Variants in DCC observed in about 807,000 individuals in gnomAD.
DCC encodes DCC netrin 1 receptor.
In DCC, 58 loss-of-function variants were observed where a neutral mutation model predicts 172.5. The ratio of observed to expected loss-of-function variants is 0.34; its 90% CI spans 0.27 to 0.42. DCC has a LOEUF of 0.42. DCC is among the 10% of genes least tolerant of loss of function. The probability of loss-of-function intolerance (pLI) is 1.00; values close to 1 mark genes in which losing one functional copy is unlikely to be tolerated. For missense variants in DCC, 1,740 were observed against 1,791.0 expected, an observed-to-expected ratio of 0.97 and a Z score of 0.51; for synonymous variants, 709 against 644.5, an observed-to-expected ratio of 1.10 and a Z score of -1.52.
intron 5 of DCC, among the ~76,000 whole-genome samples, chr18:53,013,677 C>A (rs1260493863): frequency 6.7e-6 from 1 of 150,294 alleles, no homozygotes; most frequent in African/African-American, 2.5e-5. Context: ...CTTGCACATT[C>A]TGCACATGCA....
intron 1 of DCC, among the ~76,000 whole-genome samples, chr18:52,676,354 G>A (rs1204600668): frequency 6.6e-6 from 1 of 152,120 alleles, no homozygotes; most frequent in Admixed American, 6.5e-5. Context: ...CCTAATAATG[G>A]TGTCTACCAC....
At chr18:52,713,221 A>G (rs2036324026) in intron 1 of DCC, among the ~76,000 whole-genome samples, 1 of 152,204 alleles carries the variant, frequency 6.6e-6, no homozygotes, top group African/African-American at 2.4e-5. Flanking sequence ...TGATGCCATT[A>G]TAAACTAGCC....
At chr18:53,155,129 A>G (rs2054709382) in intron 7 of DCC, among the ~76,000 whole-genome samples, 1 of 151,606 alleles carries the variant, frequency 6.6e-6, no homozygotes, top group Non-Finnish European at 1.5e-5. Flanking sequence ...TAAAACCTCT[A>G]TTTCTCTGTA....
chr18:52,941,520 A>G (rs867217037), intron 5 of DCC, among the ~76,000 whole-genome samples: 12 of 151,808 alleles, frequency 7.9e-5, no homozygotes, highest in South Asian at 2.1e-4. Context: ...ATATATACAC[A>G]CTTGTATGCA....
At position 52,362,820 on chromosome 18, in the gene DCC, CATTT is replaced by C. The variant is rs368568837; in HGVS notation, c.91+21948_91+21951del. 4.6e-5 allele frequency among the ~76,000 whole-genome samples: 7 copies of C among 152,158 alleles called. No individual in the cohort carries two copies. In the East Asian group the frequency reaches 1.4e-3, roughly 29 times the overall value. ...CTCCTCCCTCCATAAACCAAAAGAG[CATTT>C]ATTTACTTGGGCTGCATTATAAACA... On this transcript the variant is annotated intron_variant, in intron 1 of 28. Coordinates refer to ENST00000442544, the MANE Select transcript of DCC (RefSeq NM_005215.4).
intron 5 of DCC, among the ~76,000 whole-genome samples, chr18:52,962,002 A>G (rs1306503508): frequency 6.6e-6 from 1 of 152,162 alleles, no homozygotes; most frequent in Non-Finnish European, 1.5e-5. Flanking sequence ...AACCATAAAA[A>G]CCCTAGAAGA....
chr18:52,941,347 G>T (rs1335711084), intron 5 of DCC, among the ~76,000 whole-genome samples: 2 of 152,022 alleles, frequency 1.3e-5, no homozygotes, highest in African/African-American at 4.8e-5. Flanking sequence ...GATTATTATG[G>T]ATATTTTAGT....
chr18:53,114,275 T>TA (rs1230239315), intron 7 of DCC, among the ~76,000 whole-genome samples: 1 of 151,054 alleles, frequency 6.6e-6, no homozygotes, highest in African/African-American at 2.4e-5. Context: ...AGTAATGTCT[T>TA]AAAAAGTAAT....
At chr18:52,805,057 C>G (rs750068620) in intron 2 of DCC, among the ~76,000 whole-genome samples, 7 of 152,112 alleles carry the variant, frequency 4.6e-5, no homozygotes, top group African/African-American at 7.2e-5. Context: ...TCTCTGTGAG[C>G]CTTTGCTTCT....
At chr18:52,925,195 A>G in intron 4 of DCC, 39 bp from the exon 5 acceptor site, 1 of 1,599,796 alleles carries the variant, frequency 6.3e-7, no homozygotes. Flanking sequence ...TAATATATAC[A>G]TATGTTAATT....
rs558026226 is a variant in DCC, at chr18:52,752,149, G to A, written c.187G>A (p.Ala63Thr). 4 of 1,614,058 alleles carry A rather than the reference G, an allele frequency of 2.5e-6. No homozygotes were observed. The highest frequency in any genetic ancestry group is 1.3e-5 in the African/African-American group (1 of 75,004). The change falls in exon 2 of 29, where the codon GCG becomes ACG. Residue 63 changes from alanine to threonine, a missense_variant. Transcript: ENST00000442544. ...RGGNVLLDCS[A>T]ESDRGVPVIK... ...AGGAAATGTCCTCCTCGACTGCTCC[G>A]CGGAGTCCGACCGAGGAGTTCCAGT...
intron 1 of DCC, among the ~76,000 whole-genome samples, chr18:52,609,007 A>G (rs2034194828): frequency 6.6e-6 from 1 of 152,148 alleles, no homozygotes. Context: ...CAAGCATCCA[A>G]CTCAGACTGA....
At chr18:52,571,741 G>GACTC (rs2033298772) in intron 1 of DCC, among the ~76,000 whole-genome samples, 2 of 152,258 alleles carry the variant, frequency 1.3e-5, no homozygotes, top group South Asian at 4.2e-4. Flanking sequence ...CCATACCAGG[G>GACTC]ACTCAGCTTC....
At position 53,092,090 on chromosome 18, in the gene DCC, G is replaced by T. The variant is rs911191434; in HGVS notation, c.1261+25924G>T. On this transcript the variant is annotated intron_variant, in intron 7 of 28. Coordinates refer to ENST00000442544, the MANE Select transcript of DCC (RefSeq NM_005215.4). ...GTAGTAGAATGCTATAGAATAACATGTTCATTTTTTGTGTTCATTTTCGTC... is the reference window on the plus strand; with the variant it reads ...GTAGTAGAATGCTATAGAATAACATTTTCATTTTTTGTGTTCATTTTCGTC... Among the ~76,000 whole-genome samples the T allele has an allele frequency of 3.3e-5, 5 of 151,902 alleles. 1 individual carries two copies. Among genetic ancestry groups the T allele is most frequent in the African/African-American group, 7.3e-5 (3 of 41,354 alleles).
chr18:53,035,961 C>T (rs2042087083), intron 5 of DCC, among the ~76,000 whole-genome samples: 1 of 152,008 alleles, frequency 6.6e-6, no homozygotes, highest in African/African-American at 2.4e-5. Flanking sequence ...CATGCTCATT[C>T]ATCATTGTCA....
chr18:53,229,761 A>G (rs777932289), intron 12 of DCC, among the ~76,000 whole-genome samples: 3 of 152,074 alleles, frequency 2.0e-5, no homozygotes, highest in Non-Finnish European at 2.9e-5. Context: ...CTAGGACACC[A>G]CAGGAAAAAA....
At chr18:52,967,854 T>C (rs1324319800) in intron 5 of DCC, among the ~76,000 whole-genome samples, 4 of 152,160 alleles carry the variant, frequency 2.6e-5, no homozygotes, top group African/African-American at 9.7e-5. Context: ...TGTGGCACTT[T>C]ATGCAAGTAA....
chr18:53,296,744 G>A (rs2057072625), intron 12 of DCC, among the ~76,000 whole-genome samples: 1 of 152,102 alleles, frequency 6.6e-6, no homozygotes, highest in Non-Finnish European at 1.5e-5. Flanking sequence ...ATGCATACTG[G>A]GAGCATATTT....
intron 7 of DCC, among the ~76,000 whole-genome samples, chr18:53,131,207 A>G (rs936483745): frequency 6.6e-6 from 1 of 152,142 alleles, no homozygotes; most frequent in Non-Finnish European, 1.5e-5. Context: ...CAATATCAGC[A>G]TAATTTTCTT....
Sources: gnomAD v4.1 joint callset for allele counts (sites outside exome capture counted in the v4.1 genomes callset) on GRCh38, gnomAD v4.1.1 for gene constraint, MANE v1.5 for transcripts, NCBI Gene and HGNC (gene_info 2026-07-23, HGNC 2026-07-21) for gene names.